The following PTH2R variants were observed in gnomAD, a reference collection of about 807,000 sequenced individuals.
PTH2R encodes the protein PTH2 receptor.
A neutral mutation model predicts 60.3 loss-of-function variants in PTH2R; 59 were observed. The observed-to-expected ratio is 0.98, with a 90% confidence interval of 0.79 to 1.22. PTH2R has a LOEUF of 1.22. Ranked by LOEUF, PTH2R falls within the 50% of genes most tolerant of loss-of-function variation. The probability of loss-of-function intolerance (pLI) is 0.00; values close to 1 mark genes in which losing one functional copy is unlikely to be tolerated. For missense variants in PTH2R, 749 were observed against 682.6 expected, an observed-to-expected ratio of 1.10 and a Z score of -1.08; for synonymous variants, 256 against 243.8, an observed-to-expected ratio of 1.05 and a Z score of -0.47.
intron 4 of PTH2R, among the ~76,000 whole-genome samples, chr2:208,440,991 A>G (rs1702169639): frequency 6.6e-6 from 1 of 152,186 alleles, no homozygotes; most frequent in South Asian, 2.1e-4. Flanking sequence ...CACTAACTGC[A>G]TGACTGATGC....
intron 1 of PTH2R, among the ~76,000 whole-genome samples, chr2:208,365,929 A>ATATAT (rs1700571571): frequency 2.3e-5 from 1 of 43,736 alleles, no homozygotes. Flanking sequence ...ATAATAGATA[A>ATATAT]ATATATATAT....
At chr2:208,452,177 G>A (rs985653238) in intron 8 of PTH2R, among the ~76,000 whole-genome samples, 16 of 152,140 alleles carry the variant, frequency 1.1e-4, no homozygotes, top group Non-Finnish European at 2.2e-4. Flanking sequence ...CTACTTCTTG[G>A]TTCTGGAACA....
chr2:208,416,265 C>T lies in PTH2R; in HGVS notation c.75+9147C>T, dbSNP rs560341990. On this transcript the variant is annotated intron_variant, in intron 1 of 12. Coordinates refer to ENST00000272847, the MANE Select transcript of PTH2R (RefSeq NM_005048.4). ...TGGTGTTAAACCTTTGTGTGGAAGA[C>T]CAATCAAAAGCTCATGAAAATATAA... Among the ~76,000 whole-genome samples the T allele has an allele frequency of 6.0e-4, 91 of 152,050 alleles. No homozygotes were observed. In the Middle Eastern group the frequency reaches 0.01, roughly 17 times the overall value.
chr2:208,461,113 C>T (rs958228999), intron 9 of PTH2R, among the ~76,000 whole-genome samples: 7 of 152,086 alleles, frequency 4.6e-5, no homozygotes, highest in East Asian at 3.8e-4. Flanking sequence ...ATACAGAACA[C>T]GTTTAGAGAA....
intron 9 of PTH2R, among the ~76,000 whole-genome samples, chr2:208,470,909 G>C (rs1382334311): frequency 6.6e-6 from 1 of 152,186 alleles, no homozygotes; most frequent in Non-Finnish European, 1.5e-5. Flanking sequence ...ATGAAATCCA[G>C]GCTAAGGTGG....
chr2:208,361,990 A>T (rs956644422), intron 1 of PTH2R, among the ~76,000 whole-genome samples: 12 of 152,216 alleles, frequency 7.9e-5, no homozygotes, highest in Admixed American at 4.6e-4. Flanking sequence ...CTGAATAATG[A>T]AGATCTGCCC....
intron 9 of PTH2R, among the ~76,000 whole-genome samples, chr2:208,478,699 A>G (rs998217942): frequency 2.3e-4 from 35 of 152,122 alleles, no homozygotes; most frequent in African/African-American, 7.7e-4. Context: ...TTCTGTCTCC[A>G]TCTCAGTCTA....
Position 208,489,102 on chromosome 2 carries a change from C to G in PTH2R, c.1167C>G (p.Leu389=), listed in dbSNP as rs760814892. 3 of 1,613,972 alleles carry G rather than the reference C, an allele frequency of 1.9e-6. No individual in the cohort carries two copies. The highest frequency in any genetic ancestry group is 2.7e-5 in the African/African-American group (2 of 74,900). The change falls in exon 11 of 13, where the codon CTC becomes CTG. Residue 389 remains leucine, a synonymous_variant. Coordinates refer to ENST00000272847, the MANE Select transcript of PTH2R (RefSeq NM_005048.4). The stretch of plus-strand genomic sequence containing the variant: ...GCCTGCCTCACTCCTTCACTGGGCT[C>G]GGGTGGGAGATCCGCATGCACTGTG... The part of the protein sequence containing the change: ...FVCLPHSFTG[L]GWEIRMHCEL...
intron 1 of PTH2R, among the ~76,000 whole-genome samples, chr2:208,374,658 A>G (rs1700760340): frequency 6.6e-6 from 1 of 151,838 alleles, no homozygotes; most frequent in East Asian, 1.9e-4. Context: ...ACCCTCAACC[A>G]CGCCTGGCTA....
intron 1 of PTH2R, among the ~76,000 whole-genome samples, chr2:208,381,963 T>C (rs771292041): frequency 1.3e-5 from 2 of 152,056 alleles, no homozygotes; most frequent in Non-Finnish European, 2.9e-5. Flanking sequence ...AGGTGGGAAA[T>C]AAAGGTGTAT....
intron 1 of PTH2R, among the ~76,000 whole-genome samples, chr2:208,415,836 G>A (rs559778208): frequency 1.2e-4 from 19 of 152,294 alleles, no homozygotes; most frequent in African/African-American, 4.6e-4. Flanking sequence ...GTTCTCATTT[G>A]TTAGCTAAGC....
chr2:208,484,219 T>C (rs1056629123), intron 10 of PTH2R, among the ~76,000 whole-genome samples: 2 of 152,198 alleles, frequency 1.3e-5, no homozygotes, highest in Admixed American at 6.5e-5. Context: ...TGAGATAATC[T>C]CTCCAGGTGA....
chr2:208,435,264 C>G (rs1702051544), intron 2 of PTH2R, among the ~76,000 whole-genome samples: 1 of 152,120 alleles, frequency 6.6e-6, no homozygotes, highest in Non-Finnish European at 1.5e-5. Flanking sequence ...ATTGAGAGAG[C>G]TATAATGGGT....
chr2:208,362,014 T>C (rs1375124229), intron 1 of PTH2R, among the ~76,000 whole-genome samples: 1 of 152,198 alleles, frequency 6.6e-6, no homozygotes, highest in Admixed American at 6.5e-5. Flanking sequence ...TCAATGTGGA[T>C]GGGCCAGAAC....
chr2:208,419,942 A>G (rs1222751004), intron 1 of PTH2R, among the ~76,000 whole-genome samples: 1 of 152,232 alleles, frequency 6.6e-6, no homozygotes, highest in African/African-American at 2.4e-5. Flanking sequence ...ACACTGTGGA[A>G]TACTATGCAG....
At chr2:208,471,363 T>C (rs1702875425) in intron 9 of PTH2R, among the ~76,000 whole-genome samples, 1 of 152,104 alleles carries the variant, frequency 6.6e-6, no homozygotes, top group African/African-American at 2.4e-5. Flanking sequence ...AAAAAGTGGT[T>C]TTGTGGGCTA....
In PTH2R at chr2:208,488,210, C is replaced by T. The variant is rs114843633; in HGVS notation, c.1077-802C>T. Among the ~76,000 whole-genome samples, 1,156 of 152,218 alleles carry T rather than the reference C, an allele frequency of 7.6e-3. 20 individuals carry two copies. Among genetic ancestry groups the T allele is most frequent in the African/African-American group, 0.026 (1,081 of 41,528 alleles). On this transcript the variant is annotated intron_variant, in intron 10 of 12. Transcript: ENST00000272847. Reference sequence around the variant, plus strand: ...ACAGACAAAATAGACCTAAAGGCACCTTGAGACAGAGTATTTGGCAGAGAA... The same window carrying T: ...ACAGACAAAATAGACCTAAAGGCACTTTGAGACAGAGTATTTGGCAGAGAA...
chr2:208,392,808 G>A (rs763003134), intron 1 of PTH2R, among the ~76,000 whole-genome samples: 37 of 152,212 alleles, frequency 2.4e-4, no homozygotes, highest in Middle Eastern at 3.4e-3. Context: ...AGAATCACCC[G>A]GGGCTCTTGT....
chr2:208,381,675 A>G, intron 1 of PTH2R, among the ~76,000 whole-genome samples: 1 of 152,256 alleles, frequency 6.6e-6, no homozygotes, highest in East Asian at 1.9e-4. Context: ...AGCCTTTTAT[A>G]GTAATTATTT....
Sources: gnomAD v4.1 joint callset for allele counts (sites outside exome capture counted in the v4.1 genomes callset) on GRCh38, gnomAD v4.1.1 for gene constraint, MANE v1.5 for transcripts, NCBI Gene and HGNC (gene_info 2026-07-23, HGNC 2026-07-21) for gene names.